RARB: variants seen among roughly 807,000 people sequenced by gnomAD.
RARB encodes the protein HBV-activated protein.
RARB carries 17 observed loss-of-function variants against 51.9 expected under a neutral mutation model. The observed-to-expected ratio is 0.33, with a 90% confidence interval of 0.22 to 0.49. The LOEUF is 0.49. Ranked by LOEUF, RARB falls within the 20% of genes least tolerant of loss-of-function variation. The pLI is 0.99. For synonymous variants in RARB, 215 were observed against 195.4 expected (o/e 1.10, Z -0.84); for missense variants, 369 against 550.8 (o/e 0.67, Z 3.30).
At chr3:24,916,735 C>A (rs532134498) in intron 2 of RARB, among the ~76,000 whole-genome samples, 1 of 127,210 alleles carries the variant, frequency 7.9e-6, no homozygotes. Context: ...TATTCTATGG[C>A]ATTGCAGTCT....
rs1376632931 is a variant in RARB, at chr3:24,989,868, C to T, written c.-379-70257C>T. ...ACTGCGGACTGCAGTGGCGCAATCT[C>T]GGCTCACTGCAAGCTCCCCTTCCCG... is the stretch of plus-strand genomic sequence containing the variant. On this transcript the variant is annotated intron_variant, in intron 2 of 11. Coordinates refer to the RARB transcript ENST00000383772. 3.6e-5 allele frequency among the ~76,000 whole-genome samples: 3 copies of T among 84,340 alleles called. 1 individual carries two copies. Among genetic ancestry groups the T allele is most frequent in the East Asian group, 4.4e-4 (1 of 2,268 alleles). The allele number at this position is 84,340 out of a possible 152,430, so 55.3% of individuals were successfully genotyped here.
At chr3:25,008,641 G>A (rs966871168) in intron 2 of RARB, among the ~76,000 whole-genome samples, 21 of 152,058 alleles carry the variant, frequency 1.4e-4, no homozygotes, top group African/African-American at 5.1e-4. Flanking sequence ...CCTTGAAACA[G>A]GATGATCATC....
At chr3:25,080,512 A>G (rs559128340) in intron 3 of RARB, among the ~76,000 whole-genome samples, 2 of 152,214 alleles carry the variant, frequency 1.3e-5, no homozygotes, top group African/African-American at 4.8e-5. Flanking sequence ...CGCAGCAGCT[A>G]TACCATTTTG....
chr3:25,172,216 A>C (rs1700659392), intron 4 of RARB, among the ~76,000 whole-genome samples: 1 of 152,174 alleles, frequency 6.6e-6, no homozygotes, highest in African/African-American at 2.4e-5. Context: ...ACAGAAGCAA[A>C]TATCACGACT....
At chr3:25,146,725 T>C (rs947328726) in intron 4 of RARB, among the ~76,000 whole-genome samples, 1 of 151,890 alleles carries the variant, frequency 6.6e-6, no homozygotes, top group Non-Finnish European at 1.5e-5. Context: ...TTCACCATGT[T>C]AGCCAGGATA....
chr3:25,122,444 A>G (rs564234387), intron 3 of RARB, among the ~76,000 whole-genome samples: 1 of 152,106 alleles, frequency 6.6e-6, no homozygotes, highest in African/African-American at 2.4e-5. Flanking sequence ...TGGAAAGATT[A>G]TTGAAACTTT....
intron 2 of RARB, among the ~76,000 whole-genome samples, chr3:24,864,038 A>AT (rs1308133667): frequency 6.6e-6 from 1 of 152,074 alleles, no homozygotes; most frequent in African/African-American, 2.4e-5. Flanking sequence ...CATGAATGTG[A>AT]TTTTCTGCCC....
chr3:25,184,739 A>G lies in RARB; in HGVS notation c.178+10164A>G, dbSNP rs147392236. Among the ~76,000 whole-genome samples the G allele has an allele frequency of 2.4e-3, 366 of 152,206 alleles. 3 individuals are homozygous for G. The highest frequency in any genetic ancestry group is 8.1e-3 in the African/African-American group (337 of 41,544). ...ACTTATAACAGTGTTACAAGAGTAAAAAGTAGGCTAAGTATGGTGGCTCAC... is the reference window on the plus strand; with the variant it reads ...ACTTATAACAGTGTTACAAGAGTAAGAAGTAGGCTAAGTATGGTGGCTCAC... On this transcript the variant is annotated intron_variant, in intron 5 of 11. Transcript: ENST00000383772.
chr3:25,131,018 A>AAT (rs1699944001), intron 3 of RARB, among the ~76,000 whole-genome samples: 1 of 145,506 alleles, frequency 6.9e-6, no homozygotes, highest in African/African-American at 2.7e-5. Context: ...TTATCAATGA[A>AAT]ATTATATATT....
Position 25,428,429 on chromosome 3 carries a change from G to T in RARB, c.-303G>T, listed in dbSNP as rs376866839. ...GCACCGTCGGGGTAGGATCCGGAACGCATTCGGAAGGCTTTTTGCAAGCAT... is the reference window on the plus strand; with the variant it reads ...GCACCGTCGGGGTAGGATCCGGAACTCATTCGGAAGGCTTTTTGCAAGCAT... On this transcript the variant is annotated 5_prime_UTR_variant, in exon 1 of 8. Transcript: ENST00000330688. 7.1e-6 allele frequency: 9 copies of T among 1,270,746 alleles called. No individual in the cohort carries two copies. The African/African-American group carries it at 9.1e-5, about 13-fold the overall frequency. 78.7% of individuals were successfully genotyped at this position (1,270,746 alleles called of 1,614,324 possible). A position where few individuals can be genotyped will look rare whatever the true frequency, so the allele number is the denominator to read the frequency against.
intron 2 of RARB, among the ~76,000 whole-genome samples, chr3:24,899,554 G>A (rs1190521233): frequency 6.6e-6 from 1 of 152,138 alleles, no homozygotes; most frequent in Admixed American, 6.5e-5. Context: ...AAGTCTAGTG[G>A]GAATTGATTA....
intron 5 of RARB, among the ~76,000 whole-genome samples, chr3:25,212,664 T>C (rs548477998): frequency 6.6e-6 from 1 of 152,310 alleles, no homozygotes; most frequent in African/African-American, 2.4e-5. Flanking sequence ...CAATGTGCTA[T>C]CCAGACCATT....
intron 2 of RARB, among the ~76,000 whole-genome samples, chr3:24,980,615 C>G (rs1254694366): frequency 1.3e-5 from 2 of 152,156 alleles, no homozygotes; most frequent in African/African-American, 4.8e-5. Context: ...TCAGTTCCAT[C>G]AGGTCATTTA....
At chr3:24,953,641 A>G (rs533746716) in intron 2 of RARB, among the ~76,000 whole-genome samples, 7 of 152,250 alleles carry the variant, frequency 4.6e-5, no homozygotes, top group Non-Finnish European at 5.9e-5. Context: ...CTGAATAGAT[A>G]GTAGATAAAT....
intron 5 of RARB, among the ~76,000 whole-genome samples, chr3:25,389,788 A>G (rs115734842): frequency 0.035 from 5,299 of 152,294 alleles, 117 homozygotes; most frequent in Middle Eastern, 0.065. Flanking sequence ...TGTGCATAGA[A>G]ATAATTAAAA....
At chr3:24,955,451 G>A (rs926366465) in intron 2 of RARB, among the ~76,000 whole-genome samples, 8 of 152,170 alleles carry the variant, frequency 5.3e-5, no homozygotes, top group African/African-American at 1.7e-4. Flanking sequence ...TGGTTTCCAG[G>A]TTTGAGGGTG....
chr3:25,448,536 C>T lies in RARB; in HGVS notation c.158-12657C>T, dbSNP rs147096540. 3.3e-3 allele frequency among the ~76,000 whole-genome samples: 501 copies of T among 152,068 alleles called. 4 individuals carry two copies. Among genetic ancestry groups the T allele is most frequent in the African/African-American group, 0.011 (467 of 41,474 alleles). ...AGGCTGGAGTGCAGTGGTATGATCT[C>T]GGCTCACCACAATCTCTGCCTCCCA... On this transcript the variant is annotated intron_variant, in intron 1 of 7. Coordinates refer to ENST00000330688, the MANE Select transcript of RARB (RefSeq NM_000965.5).
intron 2 of RARB, among the ~76,000 whole-genome samples, chr3:24,947,056 G>C (rs1197091070): frequency 1.3e-5 from 2 of 152,170 alleles, no homozygotes; most frequent in Non-Finnish European, 2.9e-5. Context: ...TTGATGGAAG[G>C]ATTGAGGCTG....
intron 5 of RARB, among the ~76,000 whole-genome samples, chr3:25,303,106 G>A (rs949985353): frequency 6.6e-6 from 1 of 152,102 alleles, no homozygotes; most frequent in Non-Finnish European, 1.5e-5. Context: ...TTCTTTCTCA[G>A]TAGGCTCCTT....
Sources: allele counts gnomAD v4.1 joint callset (sites outside exome capture counted in the v4.1 genomes callset), GRCh38; gene constraint gnomAD v4.1.1; transcripts MANE v1.5; gene names NCBI Gene and HGNC (gene_info 2026-07-23, HGNC 2026-07-21).